KCNQ3: variants seen among roughly 807,000 people sequenced by gnomAD.
KCNQ3 encodes potassium voltage-gated channel subfamily Q member 3, also known as potassium voltage-gated channel subfamily KQT member 3.
KCNQ3 carries 30 observed loss-of-function variants against 92.5 expected under a neutral mutation model. The ratio of observed to expected loss-of-function variants is 0.32; its 90% CI spans 0.24 to 0.44. The LOEUF (loss-of-function observed/expected upper bound fraction) is 0.44. Ranked by LOEUF, KCNQ3 falls within the 20% of genes least tolerant of loss-of-function variation. KCNQ3 has a pLI of 1.00. For missense variants in KCNQ3, 913 were observed against 1,140.3 expected (o/e 0.80, Z 2.87); for synonymous variants, 450 against 468.8 (o/e 0.96, Z 0.52).
intron 1 of KCNQ3, among the ~76,000 whole-genome samples, chr8:132,349,508 T>A (rs1292052666): frequency 1.3e-5 from 2 of 152,268 alleles, no homozygotes; most frequent in East Asian, 3.8e-4. Context: ...TCTGGACTTG[T>A]CACGTGACTT....
rs1341626282 is a variant in KCNQ3, at chr8:132,140,161, G to A, written c.1483C>T (p.Pro495Ser). ...QSSEDAGTGD[P>S]MAEDRGYGND... ...CCATAGCCCCTGTCTTCCGCCATGG[G>A]GTCACCTGTCCCGGCATCTGGGAGG... The change falls in exon 11 of 15, where the codon CCC (proline) becomes TCC (serine). Residue 495 changes from proline to serine, a missense_variant. By Grantham distance (74) the Pro-to-Ser change is moderately conservative (BLOSUM62 -1). Transcript: ENST00000388996. 6.2e-7 allele frequency: 1 copy of A among 1,613,298 alleles called. No individual in the cohort carries two copies. The highest frequency in any genetic ancestry group is 8.5e-7 in the Non-Finnish European group (1 of 1,179,834).
intron 1 of KCNQ3, among the ~76,000 whole-genome samples, chr8:132,267,286 A>G (rs1816013999): frequency 6.6e-6 from 1 of 152,194 alleles, no homozygotes; most frequent in Non-Finnish European, 1.5e-5. Context: ...AAATTCAGGC[A>G]TAATCCTTCC....
At chr8:132,168,242 G>T (rs988479581) in intron 8 of KCNQ3, among the ~76,000 whole-genome samples, 3 of 151,996 alleles carry the variant, frequency 2.0e-5, no homozygotes, top group African/African-American at 7.3e-5. Context: ...TTTGCTAGCT[G>T]ATCTTCTTGC....
rs12548313 is a variant in KCNQ3 at position 132,221,131 on chromosome 8, G to A, written c.387-34950C>T. 3.2e-3 allele frequency among the ~76,000 whole-genome samples: 491 copies of A among 152,244 alleles called. 9 individuals carry two copies. The highest frequency in any genetic ancestry group is 0.031 in the Admixed American group (477 of 15,292). On this transcript the variant is annotated intron_variant, in intron 1 of 14. Transcript: ENST00000388996. ...GGTATACAGCTGCATCCATGTCCCT[G>A]CAAAGGACATGAACTCATCCTTTTT...
At position 132,129,982 on chromosome 8, in the gene KCNQ3, C is replaced by T; in HGVS notation, c.1899G>A (p.Gly633=). The stretch of plus-strand genomic sequence containing the variant: ...TATCCACGAGGAAGTCCAGCTTCTT[C>T]CCCATGTCCTGAACCTGGAAAATCA... ...VKVERQVQDM[G]KKLDFLVDMH... The change falls in exon 15 of 15, where the codon GGG becomes GGA. Residue 633 remains glycine (G), a synonymous_variant. Coordinates refer to ENST00000388996, the MANE Select transcript of KCNQ3 (RefSeq NM_004519.4). This position sits in a 1 kb window ranked among gnomAD's most constrained non-coding sequence, Gnocchi z 5.9. 2 of 1,613,606 alleles carry T rather than the reference C, an allele frequency of 1.2e-6. No homozygotes were observed. The highest frequency in any genetic ancestry group is 1.7e-6 in the Non-Finnish European group (2 of 1,180,036).
At chr8:132,328,287 G>C (rs1818119564) in intron 1 of KCNQ3, among the ~76,000 whole-genome samples, 1 of 152,116 alleles carries the variant, frequency 6.6e-6, no homozygotes, top group South Asian at 2.1e-4. Flanking sequence ...CTGCTGCAGG[G>C]GACAACAACA....
In KCNQ3 at chr8:132,174,257, G is replaced by C; in HGVS notation, c.1026C>G (p.Ser342=). The stretch of plus-strand genomic sequence containing the variant: ...TACTTACCGCTGGAAGGGCAAAAAA[G>C]GAGACGCCAATTAAGGAAAAGGTGG... ...IAATFSLIGV[S]FFALPAGILG... Residue 342 remains serine (S), a synonymous_variant, in exon 6 of 15, where the codon TCC becomes TCG. Coordinates refer to ENST00000388996, the MANE Select transcript of KCNQ3 (RefSeq NM_004519.4). 1 of 1,551,334 alleles carries C rather than the reference G, an allele frequency of 6.4e-7. No individual in the cohort carries two copies. The highest frequency in any genetic ancestry group is 8.7e-7 in the Non-Finnish European group (1 of 1,147,012).
rs68135959 is a variant in KCNQ3 at position 132,334,993 on chromosome 8, TCTTCCTTCCTTC to T, written c.386+145142_386+145153del. Among the ~76,000 whole-genome samples the T allele has an allele frequency of 8.1e-3, 1,213 of 149,626 alleles. 7 individuals carry two copies. Among genetic ancestry groups the T allele is most frequent in the Middle Eastern group, 0.024 (7 of 294 alleles). ...AAAAACAAGTCATCTTAGACATTTTTCTTCCTTCCTTCCTTCCTTCCTTCCTTCCTTCCTTGT... is the reference window on the plus strand; with the variant it reads ...AAAAACAAGTCATCTTAGACATTTTTCTTCCTTCCTTCCTTCCTTCCTTGT... On this transcript the variant is annotated intron_variant, in intron 1 of 14. Transcript: ENST00000388996.
intron 1 of KCNQ3, among the ~76,000 whole-genome samples, chr8:132,319,232 G>T (rs1263740639): frequency 1.3e-5 from 2 of 152,080 alleles, no homozygotes; most frequent in Non-Finnish European, 2.9e-5. Flanking sequence ...AAAATATTTT[G>T]GGGGCAAACT....
At chr8:132,404,283 C>T (rs1329118101) in intron 1 of KCNQ3, among the ~76,000 whole-genome samples, 8 of 152,172 alleles carry the variant, frequency 5.3e-5, no homozygotes. Context: ...CTCAGACACC[C>T]CTCTCTCTTT....
intron 1 of KCNQ3, among the ~76,000 whole-genome samples, chr8:132,263,050 A>G (rs574088528): frequency 1.3e-5 from 2 of 152,202 alleles, no homozygotes; most frequent in East Asian, 1.9e-4. Flanking sequence ...ATCTCCATCT[A>G]TCTGACCCGA....
intron 1 of KCNQ3, among the ~76,000 whole-genome samples, chr8:132,293,907 C>A (rs542104129): frequency 1.2e-4 from 18 of 152,120 alleles, no homozygotes; most frequent in African/African-American, 4.3e-4. Flanking sequence ...CCTCCATCAA[C>A]CATGTTACTG....
At chr8:132,287,198 A>G (rs1244713138) in intron 1 of KCNQ3, among the ~76,000 whole-genome samples, 5 of 152,258 alleles carry the variant, frequency 3.3e-5, no homozygotes, top group Admixed American at 3.3e-4. Flanking sequence ...GAATTATTTT[A>G]CATTGCCGTG....
intron 1 of KCNQ3, among the ~76,000 whole-genome samples, chr8:132,326,293 C>T (rs549809732): frequency 6.6e-6 from 1 of 152,278 alleles, no homozygotes; most frequent in African/African-American, 2.4e-5. Flanking sequence ...GCCTGGAAGT[C>T]ATCGGGCAGG....
intron 9 of KCNQ3, among the ~76,000 whole-genome samples, chr8:132,144,744 C>T (rs1332582510): frequency 6.6e-6 from 1 of 152,168 alleles, no homozygotes; most frequent in Non-Finnish European, 1.5e-5. Context: ...GTGCTGTGAA[C>T]TCGACCTGGG....
At chr8:132,411,954 T>A (rs1820663033) in intron 1 of KCNQ3, among the ~76,000 whole-genome samples, 1 of 152,196 alleles carries the variant, frequency 6.6e-6, no homozygotes, top group Admixed American at 6.5e-5. Context: ...TCCACCACTC[T>A]TTTGAGCACC....
intron 9 of KCNQ3, among the ~76,000 whole-genome samples, chr8:132,160,371 T>C (rs1294742349): frequency 6.6e-6 from 1 of 151,442 alleles, no homozygotes; most frequent in East Asian, 1.9e-4. Flanking sequence ...TTGTAAGTTA[T>C]GTAAATGCTT....
At chr8:132,374,732 G>A (rs889711362) in intron 1 of KCNQ3, among the ~76,000 whole-genome samples, 9 of 152,084 alleles carry the variant, frequency 5.9e-5, no homozygotes, top group Admixed American at 3.3e-4. Flanking sequence ...GTGCATCCAC[G>A]TTTTCTCATC....
At chr8:132,198,501 A>G (rs1264489105) in intron 1 of KCNQ3, among the ~76,000 whole-genome samples, 1 of 152,194 alleles carries the variant, frequency 6.6e-6, no homozygotes, top group East Asian at 1.9e-4. Flanking sequence ...CCAAAGTTCA[A>G]TTTCCTATCT....
Sources: gnomAD v4.1 joint callset for allele counts (sites outside exome capture counted in the v4.1 genomes callset) on GRCh38, gnomAD v4.1.1 for gene constraint, Gnocchi (gnomAD v3.1) non-coding constraint, MANE v1.5 for transcripts, NCBI Gene and HGNC (gene_info 2026-07-23, HGNC 2026-07-21) for gene names.